Variants in MSANTD2 observed in about 807,000 individuals in gnomAD.
The protein encoded by MSANTD2 is Myb/SANT DNA binding domain containing 2, also known as myb/SANT-like DNA-binding domain-containing protein 2.
MSANTD2 carries 19 observed loss-of-function variants against 52.6 expected under a neutral mutation model. The ratio of observed to expected loss-of-function variants is 0.36; its 90% CI spans 0.25 to 0.53. The LOEUF (loss-of-function observed/expected upper bound fraction) is 0.53, where lower values mean the gene tolerates loss of function less well. MSANTD2 is among the 20% of genes least tolerant of loss of function. MSANTD2 has a pLI of 0.91. For missense variants in MSANTD2, 558 were observed against 716.3 expected (o/e 0.78, Z 2.52); for synonymous variants, 291 against 289.7 (o/e 1.00, Z -0.04).
intron 1 of MSANTD2, among the ~76,000 whole-genome samples, chr11:124,785,352 G>C (rs1255259923): frequency 1.3e-5 from 2 of 152,242 alleles, no homozygotes; most frequent in East Asian, 3.8e-4. Flanking sequence ...TCCCTGGAAA[G>C]AGAGTCGGAG....
chr11:124,800,365 C>T lies in MSANTD2; in HGVS notation c.16G>A (p.Gly6Ser). 1 of 1,534,482 alleles carries T rather than the reference C, an allele frequency of 6.5e-7. No individual in the cohort carries two copies. Among genetic ancestry groups the T allele is most frequent in the Middle Eastern group, 1.8e-4 (1 of 5,708 alleles). Residue 6 changes from glycine to serine, a missense_variant, in exon 1 of 4, where the codon GGC becomes AGC. Around this residue, in one of 2 missense-constraint regions of MSANTD2, gnomAD observed 150 missense variants for 142.7 expected, o/e 1.05. Transcript: ENST00000374979. The surrounding 1 kb of genome is among the most constrained non-coding windows in gnomAD (Gnocchi z 4.3). ...GGCGAGTTGGCGGGCAGCTCCGAGC[C>T]ACAGGGCGCAGCCATCTTCCAAGCG... is the stretch of plus-strand genomic sequence containing the variant. MAAPC[G>S]SELPANSPLK...
At chr11:124,794,735 C>T (rs1056805449) in intron 1 of MSANTD2, among the ~76,000 whole-genome samples, 2 of 152,072 alleles carry the variant, frequency 1.3e-5, no homozygotes, top group Admixed American at 1.3e-4. Flanking sequence ...AAATGAAAGA[C>T]CAAATATACT....
rs1005720249 is a variant in MSANTD2, at chr11:124,800,090, G to C, written c.291C>G (p.Ala97=). The C allele has an allele frequency of 6.7e-7, 1 of 1,486,416 alleles. No individual in the cohort carries two copies. The highest frequency in any genetic ancestry group is 2.8e-5 in the East Asian group (1 of 35,724). The allele number at this position is 1,486,416 out of a possible 1,614,324, so 92.1% of individuals were successfully genotyped here. ...GCGTCCACGACATGCCCCGGCAGGC[G>C]GCGGCGGCGGCTGCCGCAGCCCCGC... ...GGGGAAAAAA[A]ACRGMSWTPA... Residue 97 remains alanine, a synonymous_variant, in exon 1 of 4, where the codon GCC becomes GCG. Transcript: ENST00000374979. The surrounding 1 kb of genome is among the most constrained non-coding windows in gnomAD (Gnocchi z 4.3).
intron 2 of MSANTD2, 135 bp from the exon 3 acceptor site, chr11:124,773,189 C>A: frequency 3.4e-6 from 2 of 588,328 alleles, no homozygotes; most frequent in Non-Finnish European, 3.0e-6. Flanking sequence ...AAACACTGTC[C>A]AATGTCAGAT....
chr11:124,784,090 A>C, intron 1 of MSANTD2: 1 of 984,860 alleles, frequency 1.0e-6, no homozygotes, highest in Non-Finnish European at 1.2e-6. Context: ...AGCAATAGGT[A>C]GTAGCTACAG....
At chr11:124,796,898 G>A (rs1223986929) in intron 1 of MSANTD2, among the ~76,000 whole-genome samples, 1 of 152,166 alleles carries the variant, frequency 6.6e-6, no homozygotes. Flanking sequence ...GGGATCTAAT[G>A]ACTTCTTTTC....
At chr11:124,783,621 A>G (rs1945059703) in intron 1 of MSANTD2, 1 of 697,820 alleles carries the variant, frequency 1.4e-6, no homozygotes, top group South Asian at 6.5e-5. Context: ...CTCTGTCTCA[A>G]AAAATAAAAA....
At chr11:124,797,580 C>T (rs1364979526) in intron 1 of MSANTD2, among the ~76,000 whole-genome samples, 1 of 152,178 alleles carries the variant, frequency 6.6e-6, no homozygotes, top group Non-Finnish European at 1.5e-5. Context: ...GAGACCAGAA[C>T]CTGTCCTTAG....
intron 1 of MSANTD2, chr11:124,791,125 C>A: frequency 1.5e-6 from 1 of 684,078 alleles, no homozygotes; most frequent in Non-Finnish European, 2.6e-6. Context: ...GAAGAGGACC[C>A]AGGGACAGTG....
chr11:124,788,872 C>T (rs983105589), intron 1 of MSANTD2, among the ~76,000 whole-genome samples: 1 of 152,202 alleles, frequency 6.6e-6, no homozygotes, highest in Non-Finnish European at 1.5e-5. Flanking sequence ...AAGAGCTCAA[C>T]TTCAAGGATT....
In MSANTD2 at chr11:124,800,306, C is replaced by T; in HGVS notation, c.75G>A (p.Pro25=). The T allele has an allele frequency of 6.4e-7, 1 of 1,567,496 alleles. No homozygotes were observed. The part of the protein sequence containing the change: ...LKIPKMEVLS[P]ASPGGLSDGN... ...CGTCGCTCAGGCCACCAGGAGAAGC[C>T]GGGGAAAGCACCTCCATCTTCGGAA... The change falls in exon 1 of 4, where the codon CCG becomes CCA. Residue 25 remains proline (P), a synonymous_variant. Coordinates refer to ENST00000374979, the MANE Select transcript of MSANTD2 (RefSeq NM_001308027.2). This position sits in a 1 kb window ranked among gnomAD's most constrained non-coding sequence, Gnocchi z 4.3.
At chr11:124,795,091 C>A (rs1226519971) in intron 1 of MSANTD2, among the ~76,000 whole-genome samples, 2 of 152,146 alleles carry the variant, frequency 1.3e-5, no homozygotes, top group Non-Finnish European at 1.5e-5. Context: ...GTTGTCCACG[C>A]TGGTCTCCAA....
At chr11:124,783,937 T>G in intron 1 of MSANTD2, 1 of 985,390 alleles carries the variant, frequency 1.0e-6, no homozygotes, top group Non-Finnish European at 1.2e-6. Flanking sequence ...CTTGTAAAGG[T>G]CACACCTAGC....
chr11:124,789,196 C>T (rs1215576645), intron 1 of MSANTD2: 1 of 152,072 alleles, frequency 6.6e-6, no homozygotes, highest in African/African-American at 2.4e-5. Context: ...AGCTATTTCC[C>T]TTTAGAGAAA....
At chr11:124,793,046 T>A (rs1330412399) in intron 1 of MSANTD2, among the ~76,000 whole-genome samples, 2 of 152,234 alleles carry the variant, frequency 1.3e-5, no homozygotes, top group Admixed American at 6.5e-5. Flanking sequence ...CAGCAGTCTT[T>A]AACTGGGGTA....
chr11:124,796,700 A>T (rs1816718956), intron 1 of MSANTD2, among the ~76,000 whole-genome samples: 1 of 152,236 alleles, frequency 6.6e-6, no homozygotes, highest in African/African-American at 2.4e-5. Flanking sequence ...AGCCTCTGAC[A>T]TTGAGTTCAC....
intron 1 of MSANTD2, among the ~76,000 whole-genome samples, chr11:124,780,065 A>G (rs1262396686): frequency 3.3e-5 from 5 of 152,220 alleles, no homozygotes; most frequent in Non-Finnish European, 1.5e-5. Context: ...ACACCATTTA[A>G]TATCTTTAAG....
chr11:124,775,933 T>C (rs1462092472), intron 1 of MSANTD2: 2 of 152,254 alleles, frequency 1.3e-5, no homozygotes, highest in South Asian at 2.1e-4. Flanking sequence ...GTACATCTTA[T>C]GCTATCTTAT....
In MSANTD2 at chr11:124,767,780, A is replaced by T. The variant is rs1268198583; in HGVS notation, c.1076T>A (p.Ile359Asn). 6.2e-7 allele frequency: 1 copy of T among 1,614,242 alleles called. No individual in the cohort carries two copies. Among genetic ancestry groups the T allele is most frequent in the Non-Finnish European group, 8.5e-7 (1 of 1,180,040 alleles). The change falls in exon 4 of 4, where the codon ATT (isoleucine) becomes AAT (asparagine). Residue 359 changes from isoleucine to asparagine, a missense_variant. By Grantham distance (149) the Ile-to-Asn change is moderately radical. This residue lies in a region of MSANTD2 where 408 missense variants were observed against 573.6 expected (regional missense o/e 0.71). Coordinates refer to ENST00000374979, the MANE Select transcript of MSANTD2 (RefSeq NM_001308027.2). This position sits in a 1 kb window ranked among gnomAD's most constrained non-coding sequence, Gnocchi z 6.5. Reference protein sequence around the residue: ...FNSEKPEGRIIMTRVQKMNWK... With the variant: ...FNSEKPEGRINMTRVQKMNWK... ...GTTCATTTTCTGCACTCGGGTCATA[A>T]TGATCCGTCCTTCAGGCTTCTCAGA...
Sources: allele counts gnomAD v4.1 joint callset (sites outside exome capture counted in the v4.1 genomes callset), GRCh38; gene constraint gnomAD v4.1.1; regional missense constraint gnomAD v4.1.1; non-coding constraint Gnocchi (gnomAD v3.1); transcripts MANE v1.5; gene names NCBI Gene and HGNC (gene_info 2026-07-23, HGNC 2026-07-21).